The following VAV1 variants were observed in gnomAD, a reference collection of about 807,000 sequenced individuals.
VAV1 encodes proto-oncogene vav.
In VAV1, 33 loss-of-function variants were observed where a neutral mutation model predicts 128.1. The observed-to-expected ratio is 0.26, with a 90% CI of 0.20 to 0.34. The LOEUF (loss-of-function observed/expected upper bound fraction) is 0.34. Ranked by LOEUF, VAV1 falls within the 10% of genes least tolerant of loss-of-function variation. VAV1 has a pLI of 1.00. For missense variants in VAV1, 715 were observed against 1,093.7 expected, an observed-to-expected ratio of 0.65 and a Z score of 4.88; for synonymous variants, 394 against 409.8, an observed-to-expected ratio of 0.96 and a Z score of 0.47.
intron 1 of VAV1, among the ~76,000 whole-genome samples, chr19:6,814,692 C>T (rs991034533): frequency 1.6e-5 from 2 of 122,768 alleles, no homozygotes; most frequent in Admixed American, 8.9e-5. Context: ...TTCTTTCTTT[C>T]TTTCTTTCTT....
chr19:6,832,203 G>T lies in VAV1; in HGVS notation c.1508+3G>T, dbSNP rs777609928. ...ATGGAGCAGTTTGAGATGGCCATGTGAGTCCCCGTCTTCCTCCCTCTTTCT... is the reference window on the plus strand; with the variant it reads ...ATGGAGCAGTTTGAGATGGCCATGTTAGTCCCCGTCTTCCTCCCTCTTTCT... On this transcript the variant is annotated splice_donor_region_variant and intron_variant, in intron 15 of 26. Coordinates refer to ENST00000602142, the MANE Select transcript of VAV1 (RefSeq NM_005428.4). The T allele has an allele frequency of 1.9e-6, 3 of 1,613,836 alleles. No individual in the cohort carries two copies. Among genetic ancestry groups the T allele is most frequent in the Non-Finnish European group, 2.5e-6 (3 of 1,179,784 alleles).
chr19:6,806,032 C>T (rs908707560), intron 1 of VAV1, among the ~76,000 whole-genome samples: 2 of 152,148 alleles, frequency 1.3e-5, no homozygotes, highest in Non-Finnish European at 2.9e-5. Flanking sequence ...AACCTAATTA[C>T]AGGTCAACAA....
Position 6,850,671 on chromosome 19 carries a change from T to A in VAV1, c.2131T>A (p.Tyr711Asn), listed in dbSNP as rs1568319246. 1 of 1,614,056 alleles carries A rather than the reference T, an allele frequency of 6.2e-7. No individual in the cohort carries two copies. Among genetic ancestry groups the A allele is most frequent in the Non-Finnish European group, 8.5e-7 (1 of 1,179,996 alleles). The change falls in exon 24 of 27, where the codon TAT (tyrosine) becomes AAT (asparagine). Residue 711 changes from tyrosine to asparagine, a missense_variant and splice_region_variant. Physicochemically the swap from Tyr to Asn is moderately radical, Grantham distance 143. Transcript: ENST00000602142. The stretch of plus-strand genomic sequence containing the variant: ...GGCCCGGTGACCATCTGGTTCCAGA[T>A]ATAACGTCGAGGTCAAGCACATTAA... ...DAAEFAISIK[Y>N]NVEVKHIKIM...
intron 1 of VAV1, among the ~76,000 whole-genome samples, chr19:6,794,892 A>T (rs1309887488): frequency 2.6e-5 from 4 of 152,082 alleles, no homozygotes; most frequent in Non-Finnish European, 5.9e-5. Context: ...TGGGAACTAG[A>T]ATGCTCTGGA....
chr19:6,808,520 A>G (rs1371873007), intron 1 of VAV1, among the ~76,000 whole-genome samples: 2 of 152,180 alleles, frequency 1.3e-5, no homozygotes, highest in Admixed American at 6.5e-5. Context: ...CAAGGCTGGC[A>G]TGGTCCTTTC....
intron 19 of VAV1, 32 bp from the exon 20 acceptor site, chr19:6,836,400 A>T: frequency 6.3e-7 from 1 of 1,589,724 alleles, no homozygotes; most frequent in Admixed American, 1.8e-5. Context: ...TTGACTGCCA[A>T]CCACCCTGTA....
chr19:6,814,206 T>G (rs1971572912), intron 1 of VAV1, among the ~76,000 whole-genome samples: 1 of 152,238 alleles, frequency 6.6e-6, no homozygotes, highest in East Asian at 1.9e-4. Flanking sequence ...AATAGTATCC[T>G]TTTAAAATCA....
intron 15 of VAV1, 105 bp from the exon 16 acceptor site, chr19:6,833,079 G>C: frequency 1.1e-6 from 1 of 941,778 alleles, no homozygotes. Flanking sequence ...TGAATGAGTG[G>C]ACACGCAAAA....
intron 22 of VAV1, among the ~76,000 whole-genome samples, chr19:6,845,654 A>G (rs1972502751): frequency 6.7e-6 from 1 of 150,178 alleles, no homozygotes; most frequent in African/African-American, 2.4e-5. Flanking sequence ...TATGCTATGT[A>G]TTTTCACAAA....
At chr19:6,805,583 T>TACACACACACAC (rs55732746) in intron 1 of VAV1, among the ~76,000 whole-genome samples, 26,968 of 138,800 alleles carry the variant, frequency 0.19, 2,903 homozygotes, top group Non-Finnish European at 0.24. Flanking sequence ...TTTCTACAGA[T>TACACACACACAC]ACACACACAC....
At chr19:6,842,031 G>A (rs979854162) in intron 21 of VAV1, among the ~76,000 whole-genome samples, 3 of 151,846 alleles carry the variant, frequency 2.0e-5, no homozygotes, top group African/African-American at 7.2e-5. Context: ...TTTGAGACCA[G>A]CCCGACCAAC....
At chr19:6,837,403 G>A (rs559681887) in intron 21 of VAV1, among the ~76,000 whole-genome samples, 2 of 152,200 alleles carry the variant, frequency 1.3e-5, no homozygotes, top group South Asian at 4.1e-4. Context: ...CATTGCCTGT[G>A]TCCTTGCCCT....
At chr19:6,838,097 G>GTCTGTCTATCTA (rs1555705096) in intron 21 of VAV1, among the ~76,000 whole-genome samples, 4,155 of 146,610 alleles carry the variant, frequency 0.028, 69 homozygotes, top group Non-Finnish European at 0.034. Context: ...CTGTCTGTCT[G>GTCTGTCTATCTA]TCTATCTATC....
rs164016 is a variant in VAV1, at chr19:6,820,940, C to T, written c.321+122C>T. 551,534 of 871,268 alleles carry T rather than the reference C, an allele frequency of 0.63. 175,841 individuals carry two copies. Among genetic ancestry groups the T allele is most frequent in the African/African-American group, 0.75 (45,085 of 60,234 alleles). 54.0% of individuals were successfully genotyped at this position (871,268 alleles called of 1,614,324 possible). A position where few individuals can be genotyped will look rare whatever the true frequency, so the allele number is the denominator to read the frequency against. ...AAGCCAGACCAGGCCATATACAAGA[C>T]GCAAATAGCACTGGCTTGGGATATG... On this transcript the variant is annotated intron_variant, in intron 2 of 26. Transcript: ENST00000602142. The surrounding 1 kb of genome is among the most constrained non-coding windows in gnomAD (Gnocchi z 4.4).
intron 15 of VAV1, 104 bp from the exon 16 acceptor site, chr19:6,833,080 A>T: frequency 1.1e-6 from 1 of 944,796 alleles, no homozygotes; most frequent in Non-Finnish European, 1.6e-6. Context: ...GAATGAGTGG[A>T]CACGCAAAAC....
At chr19:6,840,765 T>C (rs1972354386) in intron 21 of VAV1, among the ~76,000 whole-genome samples, 7 of 151,656 alleles carry the variant, frequency 4.6e-5, no homozygotes, top group Admixed American at 4.6e-4. Flanking sequence ...CCACCATGCC[T>C]GGCTAATTTT....
At chr19:6,837,210 C>T (rs1245886820) in intron 21 of VAV1, among the ~76,000 whole-genome samples, 160 bp downstream of exon 21, 4 of 152,142 alleles carry the variant, frequency 2.6e-5, no homozygotes, top group African/African-American at 9.7e-5. Flanking sequence ...ACCAACTGAG[C>T]CCAGAGAGGG....
chr19:6,783,609 A>G (rs1970817892), intron 1 of VAV1, among the ~76,000 whole-genome samples: 1 of 151,486 alleles, frequency 6.6e-6, no homozygotes, highest in South Asian at 2.1e-4. Context: ...CAGCCTCCCA[A>G]GTAGCTGGGA....
rs931270914 is a variant in VAV1 at position 6,851,332 on chromosome 19, C to T, written c.2217+575C>T. 3.3e-5 allele frequency among the ~76,000 whole-genome samples: 5 copies of T among 151,684 alleles called. No individual in the cohort carries two copies. In the South Asian group the frequency reaches 8.3e-4, roughly 25 times the overall value. ...GTACTATAGGCATGCACCATCATGCCTGGCTAATTTTAAAAAAAAATTTTT... is the reference window on the plus strand; with the variant it reads ...GTACTATAGGCATGCACCATCATGCTTGGCTAATTTTAAAAAAAAATTTTT... On this transcript the variant is annotated intron_variant, in intron 24 of 26. Transcript: ENST00000602142.
Sources: gnomAD v4.1 joint callset for allele counts (sites outside exome capture counted in the v4.1 genomes callset) on GRCh38, gnomAD v4.1.1 for gene constraint, Gnocchi (gnomAD v3.1) non-coding constraint, MANE v1.5 for transcripts, NCBI Gene and HGNC (gene_info 2026-07-23, HGNC 2026-07-21) for gene names.